Variants in KIAA1755 observed in about 807,000 individuals in gnomAD.
KIAA1755 encodes uncharacterized protein KIAA1755.
KIAA1755 carries 68 observed loss-of-function variants against 91.7 expected under a neutral mutation model. That is an observed-to-expected ratio of 0.74 (90% CI 0.61 to 0.91). The LOEUF is 0.91. KIAA1755 is among the 40% of genes least tolerant of loss of function. The pLI is 0.00. For missense variants in KIAA1755, 1,535 were observed against 1,494.4 expected (o/e 1.03, Z -0.45); for synonymous variants, 610 against 604.6 (o/e 1.01, Z -0.13).
At chr20:38,238,653 T>C (rs192503971) in intron 4 of KIAA1755, among the ~76,000 whole-genome samples, 1 of 152,324 alleles carries the variant, frequency 6.6e-6, no homozygotes, top group Admixed American at 6.5e-5. Context: ...TAATCTGTTG[T>C]GATAACCTGT....
intron 10 of KIAA1755, among the ~76,000 whole-genome samples, chr20:38,220,297 CTTTTT>C (rs35575614): frequency 1.5e-5 from 2 of 134,398 alleles, no homozygotes; most frequent in Non-Finnish European, 3.2e-5. Flanking sequence ...TGATGTTTCC[CTTTTT>C]TTTTTTTTTT....
At chr20:38,249,994 C>A (rs752913548) in intron 1 of KIAA1755, among the ~76,000 whole-genome samples, 26 of 152,194 alleles carry the variant, frequency 1.7e-4, no homozygotes, top group Non-Finnish European at 3.7e-4. Context: ...CCTCTCTGGG[C>A]CTCTTTCCTT....
chr20:38,221,551 G>A (rs2075659351), intron 10 of KIAA1755, among the ~76,000 whole-genome samples: 1 of 152,176 alleles, frequency 6.6e-6, no homozygotes, highest in African/African-American at 2.4e-5. Flanking sequence ...TCCCAGCTAT[G>A]TGACCCTGGA....
intron 1 of KIAA1755, among the ~76,000 whole-genome samples, chr20:38,255,881 T>G (rs2076332230): frequency 6.6e-6 from 1 of 152,078 alleles, no homozygotes; most frequent in South Asian, 2.1e-4. Context: ...TATTTGTTCC[T>G]TTCTCTCCCT....
intron 1 of KIAA1755, 91 bp downstream of exon 1, chr20:38,260,406 CA>C: frequency 6.3e-7 from 1 of 1,595,688 alleles, no homozygotes; most frequent in South Asian, 1.1e-5. Flanking sequence ...TGTAAAAGGC[CA>C]GGGCCACCCG....
At chr20:38,234,801 A>T (rs1460398200) in intron 4 of KIAA1755, among the ~76,000 whole-genome samples, 1 of 152,196 alleles carries the variant, frequency 6.6e-6, no homozygotes, top group Non-Finnish European at 1.5e-5. Flanking sequence ...TGATTACAGC[A>T]AGGGGCAGTT....
chr20:38,222,851 C>T, intron 9 of KIAA1755: 1 of 574,220 alleles, frequency 1.7e-6, no homozygotes, highest in East Asian at 3.0e-5. Context: ...TCCCTGCTGC[C>T]CTCTGGCTCC....
At position 38,240,775 on chromosome 20, in the gene KIAA1755, C is replaced by A; in HGVS notation, c.1356G>T (p.Lys452Asn). Residue 452 changes from lysine (K) to asparagine (N), a missense_variant, in exon 3 of 14, where the codon AAG (lysine) becomes AAT (asparagine). Lys to Asn is a moderately conservative substitution (Grantham distance 94). Coordinates refer to ENST00000279024, the MANE Select transcript of KIAA1755 (RefSeq NM_001029864.2). ...KTKERNGRLP[K>N]PMPCPSRNTS... ...TGTTTCTGCTAGGGCAGGGCATGGG[C>A]TTGGGAAGTCTCCCATTTCTCTCTT... is the stretch of plus-strand genomic sequence containing the variant. 1 of 1,603,964 alleles carries A rather than the reference C, an allele frequency of 6.2e-7. No individual in the cohort carries two copies. Among genetic ancestry groups the A allele is most frequent in the Non-Finnish European group, 8.5e-7 (1 of 1,174,862 alleles).
At chr20:38,231,090 C>G in intron 5 of KIAA1755, 112 bp downstream of exon 5, 1 of 1,211,718 alleles carries the variant, frequency 8.3e-7, no homozygotes. Context: ...GCTCTGTGAA[C>G]AGACGACTGG....
intron 13 of KIAA1755, among the ~76,000 whole-genome samples, chr20:38,214,732 C>G (rs896021725): frequency 3.9e-5 from 6 of 152,250 alleles, no homozygotes; most frequent in Admixed American, 2.0e-4. Context: ...GCCTCTGCCT[C>G]ATTTTGTGAT....
In KIAA1755 at chr20:38,250,462, A is replaced by ATATTATTATTAT. The variant is rs147689166; in HGVS notation, c.4-4348_4-4337dup. Among the ~76,000 whole-genome samples the ATATTATTATTAT allele has an allele frequency of 3.1e-3, 451 of 147,802 alleles. 5 individuals carry two copies. The highest frequency in any genetic ancestry group is 0.011 in the African/African-American group (423 of 40,238). On this transcript the variant is annotated intron_variant, in intron 1 of 13. Coordinates refer to ENST00000279024, the MANE Select transcript of KIAA1755 (RefSeq NM_001029864.2). ...AGCCATCACTACAATTTCTGTGGTC[A>ATATTATTATTAT]TATTATTATTATTATTATTATTATG...
chr20:38,238,930 G>A (rs1022667362), intron 4 of KIAA1755, among the ~76,000 whole-genome samples: 2 of 152,168 alleles, frequency 1.3e-5, no homozygotes, highest in African/African-American at 2.4e-5. Context: ...CTCTGAAGAA[G>A]CACTCTGGGC....
chr20:38,222,624 G>A (rs528455251), intron 9 of KIAA1755, 27 bp from the exon 10 acceptor site: 1 of 1,607,736 alleles, frequency 6.2e-7, no homozygotes, highest in Non-Finnish European at 8.5e-7. Context: ...GTGCCCTGAG[G>A]CCCCATCCCC....
intron 1 of KIAA1755, among the ~76,000 whole-genome samples, chr20:38,257,125 C>T (rs986240876): frequency 2.0e-5 from 3 of 152,184 alleles, no homozygotes; most frequent in Non-Finnish European, 4.4e-5. Flanking sequence ...ACCCCCACCA[C>T]CCATCAGACA....
chr20:38,213,134 G>A lies in KIAA1755; in HGVS notation c.3511C>T (p.Arg1171Cys), dbSNP rs142596886. 417 of 1,612,114 alleles carry A rather than the reference G, an allele frequency of 2.6e-4. No homozygotes were observed. In the African/African-American group the frequency reaches 4.8e-3, roughly 18 times the overall value. ...GAGGAGAAGCTGCCCCCAGTGAGGC[G>A]AGGGACCTGGCTCTGCCTGGGGGGC... ...QQPPRQSQVP[R>C]LTGGSFSSEG... The change falls in exon 14 of 14, where the codon CGC (arginine) becomes TGC (cysteine). Residue 1171 changes from arginine to cysteine, a missense_variant. Coordinates refer to ENST00000279024, the MANE Select transcript of KIAA1755 (RefSeq NM_001029864.2).
chr20:38,248,332 G>A (rs1192568335), intron 1 of KIAA1755, among the ~76,000 whole-genome samples: 4 of 152,170 alleles, frequency 2.6e-5, no homozygotes, highest in Admixed American at 6.5e-5. Flanking sequence ...GAATGCGGGC[G>A]TCTCCTAGAA....
intron 12 of KIAA1755, chr20:38,217,827 T>C (rs1600565917): frequency 4.6e-6 from 2 of 430,350 alleles, no homozygotes; most frequent in East Asian, 8.4e-5. Flanking sequence ...GCTTCCCTGT[T>C]TGTCCCCGCC....
chr20:38,239,859 G>A (rs1295241709), intron 3 of KIAA1755, 134 bp from the exon 4 acceptor site: 15 of 837,960 alleles, frequency 1.8e-5, no homozygotes, highest in African/African-American at 8.5e-5. Flanking sequence ...CAGGCATTGC[G>A]CTAAGCCCCT....
chr20:38,252,579 G>A lies in KIAA1755; in HGVS notation c.4-6453C>T, dbSNP rs145682726. On this transcript the variant is annotated intron_variant, in intron 1 of 13. Coordinates refer to ENST00000279024, the MANE Select transcript of KIAA1755 (RefSeq NM_001029864.2). Reference sequence around the variant, plus strand: ...CCCAGATCTTCCCCTGTTTCCTGCCGCCCCCTCTGCCTGGGGACCACCAGC... The same window carrying A: ...CCCAGATCTTCCCCTGTTTCCTGCCACCCCCTCTGCCTGGGGACCACCAGC... Among the ~76,000 whole-genome samples, 805 of 152,146 alleles carry A rather than the reference G, an allele frequency of 5.3e-3. 3 individuals are homozygous for A. The highest frequency in any genetic ancestry group is 8.1e-3 in the Non-Finnish European group (553 of 67,994).
Sources: gnomAD v4.1 joint callset for allele counts (sites outside exome capture counted in the v4.1 genomes callset) on GRCh38, gnomAD v4.1.1 for gene constraint, MANE v1.5 for transcripts, NCBI Gene and HGNC (gene_info 2026-07-23, HGNC 2026-07-21) for gene names.